The following FAM135A variants were observed in gnomAD, a reference collection of about 807,000 sequenced individuals.
FAM135A encodes protein FAM135A.
A neutral mutation model predicts 146.8 loss-of-function variants in FAM135A; 79 were observed. The observed-to-expected ratio is 0.54, with a 90% CI of 0.45 to 0.65. The LOEUF is 0.65. Among genes scored for constraint, FAM135A ranks in the 30% least tolerant of loss-of-function variants. FAM135A has a pLI of 0.00. For synonymous variants in FAM135A, 562 were observed against 603.6 expected (o/e 0.93, Z 1.01); for missense variants, 1,623 against 1,758.2 (o/e 0.92, Z 1.38).
At chr6:70,533,396 AAT>A (rs1161218576) in intron 17 of FAM135A, 145 bp downstream of exon 17, 4 of 607,198 alleles carry the variant, frequency 6.6e-6, no homozygotes, top group Middle Eastern at 8.9e-4. Flanking sequence ...ATCCAAAGGA[AAT>A]ATATATGATT....
intron 5 of FAM135A, among the ~76,000 whole-genome samples, chr6:70,469,410 T>G (rs1249367069): frequency 1.3e-5 from 2 of 152,208 alleles, no homozygotes; most frequent in African/African-American, 4.8e-5. Flanking sequence ...TATAGGCAAC[T>G]TTCACTGAAA....
chr6:70,555,805 T>C (rs1457908411), intron 20 of FAM135A, among the ~76,000 whole-genome samples: 1 of 152,180 alleles, frequency 6.6e-6, no homozygotes, highest in African/African-American at 2.4e-5. Context: ...CTATAATAGA[T>C]ACTTGATTAT....
chr6:70,552,295 A>G (rs1180054112), intron 20 of FAM135A, among the ~76,000 whole-genome samples: 1 of 151,468 alleles, frequency 6.6e-6, no homozygotes, highest in East Asian at 1.9e-4. Flanking sequence ...TTTCTGCTTT[A>G]TATAAACCCT....
At chr6:70,450,973 C>T (rs958654155) in intron 4 of FAM135A, among the ~76,000 whole-genome samples, 2 of 151,732 alleles carry the variant, frequency 1.3e-5, no homozygotes, top group African/African-American at 4.8e-5. Flanking sequence ...GAACTCCTGA[C>T]CTCAAGTGAT....
At chr6:70,510,817 A>G (rs1204780063) in intron 12 of FAM135A, among the ~76,000 whole-genome samples, 2 of 152,054 alleles carry the variant, frequency 1.3e-5, no homozygotes, top group African/African-American at 4.8e-5. Context: ...TGGTAATTCT[A>G]TGTTTAACTT....
At chr6:70,558,399 T>A (rs1801312750) in intron 21 of FAM135A, among the ~76,000 whole-genome samples, 1 of 152,262 alleles carries the variant, frequency 6.6e-6, no homozygotes, top group South Asian at 2.1e-4. Context: ...TAGTAATGCA[T>A]AAGCATTGTA....
intron 5 of FAM135A, among the ~76,000 whole-genome samples, chr6:70,472,291 C>A (rs917902363): frequency 1.3e-5 from 2 of 152,182 alleles, no homozygotes; most frequent in Non-Finnish European, 1.5e-5. Context: ...AGGAGAATTT[C>A]TTTCCCTTCT....
At chr6:70,483,355 A>G (rs1177414904) in intron 10 of FAM135A, among the ~76,000 whole-genome samples, 1 of 152,194 alleles carries the variant, frequency 6.6e-6, no homozygotes, top group Non-Finnish European at 1.5e-5. Context: ...AAGCAATAGG[A>G]AAATGTGTTT....
At chr6:70,505,196 A>G (rs888409378) in intron 12 of FAM135A, among the ~76,000 whole-genome samples, 1 of 152,186 alleles carries the variant, frequency 6.6e-6, no homozygotes, top group African/African-American at 2.4e-5. Context: ...TTCTAAGAAT[A>G]TGGACATTCT....
intron 12 of FAM135A, among the ~76,000 whole-genome samples, chr6:70,516,751 G>A (rs1024945015): frequency 2.0e-5 from 3 of 151,842 alleles, no homozygotes; most frequent in African/African-American, 7.3e-5. Flanking sequence ...TAGCCAGGAT[G>A]GTCTCGATCT....
At chr6:70,434,289 T>C (rs945204530) in intron 4 of FAM135A, among the ~76,000 whole-genome samples, 5 of 152,230 alleles carry the variant, frequency 3.3e-5, no homozygotes, top group African/African-American at 7.2e-5. Flanking sequence ...AATTAAATTA[T>C]GGTTGTAGTA....
intron 20 of FAM135A, among the ~76,000 whole-genome samples, chr6:70,541,129 C>A (rs900284511): frequency 6.6e-6 from 1 of 152,330 alleles, no homozygotes; most frequent in East Asian, 1.9e-4. Flanking sequence ...TCATCAGTAT[C>A]TTTAAACTCT....
chr6:70,537,735 T>A (rs1049973431), intron 19 of FAM135A, among the ~76,000 whole-genome samples: 1 of 152,184 alleles, frequency 6.6e-6, no homozygotes, highest in African/African-American at 2.4e-5. Flanking sequence ...TTTGCTTAAT[T>A]TCCTGAAGAG....
intron 21 of FAM135A, 115 bp from the exon 22 acceptor site, chr6:70,559,601 G>T: frequency 9.8e-6 from 8 of 818,652 alleles, no homozygotes; most frequent in Non-Finnish European, 1.4e-5. Flanking sequence ...CCATTTTTCT[G>T]CTTTATATGG....
intron 12 of FAM135A, among the ~76,000 whole-genome samples, chr6:70,512,659 G>A (rs977908678): frequency 2.6e-5 from 4 of 151,530 alleles, no homozygotes; most frequent in African/African-American, 9.7e-5. Flanking sequence ...AAATTAGGTT[G>A]CCTTTTTATT....
chr6:70,452,341 G>C, intron 4 of FAM135A, 151 bp from the exon 5 acceptor site: 1 of 599,694 alleles, frequency 1.7e-6, no homozygotes, highest in Non-Finnish European at 2.9e-6. Flanking sequence ...ATGTAAGCCT[G>C]ATTTTTTTTT....
At chr6:70,421,131 G>T (rs1002514193) in intron 2 of FAM135A, among the ~76,000 whole-genome samples, 1 of 151,998 alleles carries the variant, frequency 6.6e-6, no homozygotes, top group Non-Finnish European at 1.5e-5. Flanking sequence ...CAGTCTGCTT[G>T]TCTCAGCCTC....
chr6:70,453,571 C>T (rs975525630), intron 5 of FAM135A, among the ~76,000 whole-genome samples: 1 of 151,988 alleles, frequency 6.6e-6, no homozygotes, highest in African/African-American at 2.4e-5. Context: ...CCCATCCCCC[C>T]ACCCCACAAC....
chr6:70,539,717 C>T (rs1582845514), intron 20 of FAM135A, among the ~76,000 whole-genome samples: 2 of 152,136 alleles, frequency 1.3e-5, no homozygotes, highest in Non-Finnish European at 2.9e-5. Flanking sequence ...TTGACACGGC[C>T]GGGCGTGGTG....
Sources: gnomAD v4.1 joint callset for allele counts (sites outside exome capture counted in the v4.1 genomes callset) on GRCh38, gnomAD v4.1.1 for gene constraint, MANE v1.5 for transcripts, NCBI Gene and HGNC (gene_info 2026-07-23, HGNC 2026-07-21) for gene names.